The following MALRD1 variants were observed in gnomAD, a reference collection of about 807,000 sequenced individuals.
MALRD1 encodes the protein MAM and LDL-receptor class A domain-containing protein 1.
A neutral mutation model predicts 242.1 loss-of-function variants in MALRD1; 247 were observed. The ratio of observed to expected loss-of-function variants is 1.02; its 90% CI spans 0.92 to 1.13. MALRD1 has a LOEUF of 1.13. Ranked by LOEUF, MALRD1 falls within the 50% of genes most tolerant of loss-of-function variation. MALRD1 has a pLI of 0.00. For missense variants in MALRD1, 2,989 were observed against 2,533.1 expected (o/e 1.18, Z -3.86); for synonymous variants, 995 against 866.6 (o/e 1.15, Z -2.60).
intron 32 of MALRD1, among the ~76,000 whole-genome samples, chr10:19,535,646 T>C (rs1834643055): frequency 6.6e-6 from 1 of 151,836 alleles, no homozygotes; most frequent in South Asian, 2.1e-4. Flanking sequence ...AAATAATTAT[T>C]TGTACTTTTT....
At chr10:19,475,898 T>C (rs891999437) in intron 29 of MALRD1, among the ~76,000 whole-genome samples, 5 of 152,224 alleles carry the variant, frequency 3.3e-5, no homozygotes, top group African/African-American at 1.2e-4. Context: ...AAAGAGATTC[T>C]AAAACCTCAT....
Position 19,670,906 on chromosome 10 carries a change from T to G in MALRD1, c.6138-21376T>G, listed in dbSNP as rs1589382160. ...TTTTTTTTTTTTTTTTGAGATGGAG[T>G]CTTGCTCTGTTGCCCGGGCTGGAGT... On this transcript the variant is annotated intron_variant, in intron 36 of 39. Coordinates refer to ENST00000454679, the MANE Select transcript of MALRD1 (RefSeq NM_001142308.3). 4.1e-5 allele frequency among the ~76,000 whole-genome samples: 6 copies of G among 148,104 alleles called. No homozygotes were observed. In the South Asian group the frequency reaches 1.3e-3, roughly 32 times the overall value.
intron 33 of MALRD1, among the ~76,000 whole-genome samples, chr10:19,582,040 A>C (rs1837154055): frequency 1.3e-5 from 2 of 152,036 alleles, no homozygotes; most frequent in South Asian, 4.2e-4. Flanking sequence ...GTGTCTGTTC[A>C]TGTCCTTTGC....
chr10:19,409,991 G>A (rs1446999205), intron 28 of MALRD1, among the ~76,000 whole-genome samples: 2 of 152,022 alleles, frequency 1.3e-5, no homozygotes, highest in Non-Finnish European at 2.9e-5. Flanking sequence ...GTTTAGATCT[G>A]TAAAATCTGT....
At chr10:19,082,630 C>A (rs1389600975) in intron 2 of MALRD1, among the ~76,000 whole-genome samples, 1 of 147,654 alleles carries the variant, frequency 6.8e-6, no homozygotes, top group African/African-American at 2.5e-5. Flanking sequence ...TGGGAGATAT[C>A]TTCTTGTTTC....
chr10:19,596,423 A>G (rs1283794794), intron 34 of MALRD1, among the ~76,000 whole-genome samples: 1 of 152,162 alleles, frequency 6.6e-6, no homozygotes, highest in African/African-American at 2.4e-5. Flanking sequence ...TTGAAATGTA[A>G]CTATAAGAGG....
In MALRD1 at chr10:19,669,145, A is replaced by G. The variant is rs367989429; in HGVS notation, c.6138-23137A>G. Among the ~76,000 whole-genome samples the G allele has an allele frequency of 1.6e-4, 24 of 152,350 alleles. No individual in the cohort carries two copies. The South Asian group carries it at 2.9e-3, about 18-fold the overall frequency. ...GAGTGATCTTCTTAGAAACTGGAAG[A>G]TGATAGAGTTATCTAGAAGCTGGAA... On this transcript the variant is annotated intron_variant, in intron 36 of 39. Coordinates refer to ENST00000454679, the MANE Select transcript of MALRD1 (RefSeq NM_001142308.3).
intron 24 of MALRD1, among the ~76,000 whole-genome samples, chr10:19,334,022 C>A (rs961526726): frequency 6.8e-6 from 1 of 147,578 alleles, no homozygotes; most frequent in Non-Finnish European, 1.5e-5. Flanking sequence ...TGACTAAATT[C>A]TTTATGGATT....
intron 28 of MALRD1, among the ~76,000 whole-genome samples, chr10:19,394,433 G>T (rs375101639): frequency 6.6e-6 from 1 of 152,114 alleles, no homozygotes; most frequent in East Asian, 1.9e-4. Flanking sequence ...ATGTAATAGG[G>T]AAATAAATAT....
At position 19,153,566 on chromosome 10, in the gene MALRD1, C is replaced by T. The variant is rs575466756; in HGVS notation, c.1559-1509C>T. 3.9e-5 allele frequency among the ~76,000 whole-genome samples: 6 copies of T among 152,068 alleles called. No individual in the cohort carries two copies. The East Asian group carries it at 1.2e-3, about 29-fold the overall frequency. ...AAAATTTGCTGTATGTGGTAGTGTG[C>T]TCCTGTACTCCCAGTGGGAGGCTGA... is the stretch of plus-strand genomic sequence containing the variant. On this transcript the variant is annotated intron_variant, in intron 11 of 39. Transcript: ENST00000454679.
chr10:19,702,517 G>T (rs1298203000), intron 38 of MALRD1, among the ~76,000 whole-genome samples: 3 of 152,008 alleles, frequency 2.0e-5, no homozygotes, highest in Non-Finnish European at 4.4e-5. Flanking sequence ...TATATTTCTG[G>T]TATCTGGGAT....
intron 35 of MALRD1, among the ~76,000 whole-genome samples, chr10:19,614,000 A>T (rs1360122075): frequency 6.6e-6 from 1 of 151,936 alleles, no homozygotes; most frequent in African/African-American, 2.4e-5. Flanking sequence ...ATCCCAATAG[A>T]GTAATTTCAT....
chr10:19,380,872 CTTGATTTCT>C (rs1267606212), intron 26 of MALRD1, among the ~76,000 whole-genome samples: 1 of 151,146 alleles, frequency 6.6e-6, no homozygotes, highest in African/African-American at 2.4e-5. Context: ...TCTAGGATCA[CTTGATTTCT>C]TTCTAAAGAA....
In MALRD1 at chr10:19,692,471, C is replaced by G; in HGVS notation, c.6231C>G (p.Leu2077=). ...TTAAAATTCCAGATACATGGACTCT[C>G]CTGGGTATTGGATTAGCATTCCTGA... ...FTYAQNNTWT[L]LGIGLAFLMT... Residue 2077 remains leucine (L), a synonymous_variant, in exon 38 of 40, where the codon CTC becomes CTG. Coordinates refer to ENST00000454679, the MANE Select transcript of MALRD1 (RefSeq NM_001142308.3). The G allele has an allele frequency of 6.5e-7, 1 of 1,535,668 alleles. No individual in the cohort carries two copies. The highest frequency in any genetic ancestry group is 8.7e-7 in the Non-Finnish European group (1 of 1,146,486).
At chr10:19,456,768 T>TTTAG (rs1213553516) in intron 29 of MALRD1, among the ~76,000 whole-genome samples, 1 of 148,836 alleles carries the variant, frequency 6.7e-6, no homozygotes, top group Non-Finnish European at 1.5e-5. Context: ...TATTTATTTA[T>TTTAG]TTATTTATTT....
At chr10:19,325,060 T>A in intron 22 of MALRD1, among the ~76,000 whole-genome samples, 1 of 145,324 alleles carries the variant, frequency 6.9e-6, no homozygotes, top group African/African-American at 2.5e-5. Context: ...GATTGCCTAA[T>A]TGTGATGTTC....
chr10:19,682,936 GC>G (rs1842433192), intron 36 of MALRD1, among the ~76,000 whole-genome samples: 1 of 152,150 alleles, frequency 6.6e-6, no homozygotes. Flanking sequence ...AGCATCTTCA[GC>G]ACCTGCTGAT....
intron 33 of MALRD1, among the ~76,000 whole-genome samples, chr10:19,573,971 A>C (rs111494190): frequency 1.4e-3 from 217 of 152,308 alleles, no homozygotes; most frequent in Non-Finnish European, 2.6e-3. Context: ...GAGTGAATGC[A>C]TATTGTAAAG....
intron 21 of MALRD1, among the ~76,000 whole-genome samples, chr10:19,300,877 A>G (rs1841923596): frequency 6.6e-6 from 1 of 152,128 alleles, no homozygotes; most frequent in Non-Finnish European, 1.5e-5. Context: ...ATTAAACTAA[A>G]GACCTTATGC....
Sources: allele counts gnomAD v4.1 joint callset (sites outside exome capture counted in the v4.1 genomes callset), GRCh38; gene constraint gnomAD v4.1.1; transcripts MANE v1.5; gene names NCBI Gene and HGNC (gene_info 2026-07-23, HGNC 2026-07-21).